ABCG8: variants seen among roughly 807,000 people sequenced by gnomAD.
ABCG8 encodes the protein ATP binding cassette subfamily G member 8.
In ABCG8, 81 loss-of-function variants were observed where a neutral mutation model predicts 71.3. The ratio of observed to expected loss-of-function variants is 1.14; its 90% CI spans 0.95 to 1.37. The LOEUF is 1.37. Among genes scored for constraint, ABCG8 ranks in the 40% most tolerant of loss-of-function variants. The pLI, the probability that ABCG8 is intolerant of heterozygous loss-of-function variation, is 0.00. For synonymous variants in ABCG8, 451 were observed against 354.7 expected (o/e 1.27, Z -3.05); for missense variants, 1,119 against 866.2 (o/e 1.29, Z -3.66).
Position 43,872,217 on chromosome 2 carries a change from T to TC in ABCG8, c.1128-3dup, listed in dbSNP as rs758869767. The TC allele has an allele frequency of 3.1e-6, 5 of 1,613,946 alleles. No individual in the cohort carries two copies. The South Asian group carries it at 5.5e-5, about 18-fold the overall frequency. On this transcript the variant is annotated splice_polypyrimidine_tract_variant and splice_region_variant and intron_variant, in intron 7 of 12. Coordinates refer to ENST00000272286, the MANE Select transcript of ABCG8 (RefSeq NM_022437.3). Reference sequence around the variant, plus strand: ...CCATGACCTGGCCACATCTTCTGCCTCCCAGCAGCGTGACCCCACTAGACA... The same window carrying TC: ...CCATGACCTGGCCACATCTTCTGCCTCCCCAGCAGCGTGACCCCACTAGACA...
At chr2:43,873,419 TG>T (rs370008328) in intron 8 of ABCG8, among the ~76,000 whole-genome samples, 30 of 152,142 alleles carry the variant, frequency 2.0e-4, no homozygotes, top group African/African-American at 7.2e-4. Flanking sequence ...CTCGATCGCC[TG>T]GCCTCAAGCG....
Position 43,874,397 on chromosome 2 carries a change from T to C in ABCG8, c.1412-10T>C, listed in dbSNP as rs1669885753. 1 of 1,451,116 alleles carries C rather than the reference T, an allele frequency of 6.9e-7. No individual in the cohort carries two copies. The highest frequency in any genetic ancestry group is 9.6e-7 in the Non-Finnish European group (1 of 1,043,938). The allele number at this position is 1,451,116 out of a possible 1,614,324, so 89.9% of individuals were successfully genotyped here. A position where few individuals can be genotyped will look rare whatever the true frequency, so the allele number is the denominator to read the frequency against. On this transcript the variant is annotated splice_polypyrimidine_tract_variant and intron_variant, in intron 9 of 12. Transcript: ENST00000272286. ...TTCTTCATTCTCTTTTCCTTTCCCT[T>C]ACTTTTTAGGTTACTCAGAGAGGGC...
intron 6 of ABCG8, among the ~76,000 whole-genome samples, chr2:43,859,995 C>T (rs1219552592): frequency 6.7e-6 from 1 of 150,204 alleles, no homozygotes; most frequent in African/African-American, 2.4e-5. Flanking sequence ...AATTCTCACC[C>T]TCTGGACAGA....
chr2:43,853,285 G>T (rs1219628308), intron 6 of ABCG8, among the ~76,000 whole-genome samples: 1 of 152,212 alleles, frequency 6.6e-6, no homozygotes, highest in Non-Finnish European at 1.5e-5. Flanking sequence ...GGTGGCAGAG[G>T]GGGGCCCAGG....
intron 6 of ABCG8, among the ~76,000 whole-genome samples, chr2:43,871,482 T>C (rs960681324): frequency 6.6e-6 from 1 of 152,120 alleles, no homozygotes; most frequent in Admixed American, 6.5e-5. Context: ...CTGGATAGAA[T>C]TCTCACTCTC....
intron 6 of ABCG8, among the ~76,000 whole-genome samples, chr2:43,867,706 G>A (rs6733452): frequency 0.046 from 6,887 of 149,352 alleles, 291 homozygotes; most frequent in African/African-American, 0.1. Flanking sequence ...TCACTCTGTG[G>A]ATAGAACTCT....
rs769813197 is a variant in ABCG8 at position 43,874,463 on chromosome 2, G to A, written c.1468G>A (p.Gly490Ser). The change falls in exon 10 of 13, where the codon GGT (glycine) becomes AGT (serine). Residue 490 changes from glycine to serine, a missense_variant. Coordinates refer to ENST00000272286, the MANE Select transcript of ABCG8 (RefSeq NM_022437.3). ...YELEDGLYTTGPYFFAKILGE... is the reference protein window; with the variant it reads ...YELEDGLYTTSPYFFAKILGE... The stretch of plus-strand genomic sequence containing the variant: ...ACTGGAAGACGGGCTGTACACCACT[G>A]GTCCATATTTCTTTGCCAAGGTGAC... 6.2e-7 allele frequency: 1 copy of A among 1,613,788 alleles called. No individual in the cohort carries two copies. Among genetic ancestry groups the A allele is most frequent in the Non-Finnish European group, 8.5e-7 (1 of 1,179,824 alleles).
intron 6 of ABCG8, among the ~76,000 whole-genome samples, chr2:43,857,495 C>A (rs936811190): frequency 2.0e-5 from 3 of 151,562 alleles, no homozygotes; most frequent in African/African-American, 7.3e-5. Flanking sequence ...ATAGAATTCT[C>A]ACTCTGGAAA....
chr2:43,839,727 C>T (rs971324400), intron 1 of ABCG8, among the ~76,000 whole-genome samples: 19 of 152,148 alleles, frequency 1.2e-4, no homozygotes, highest in Middle Eastern at 3.4e-3. Context: ...TGGCCAGTTT[C>T]GCTTTTTCCG....
At chr2:43,845,599 A>G (rs1668718922) in intron 2 of ABCG8, among the ~76,000 whole-genome samples, 1 of 151,872 alleles carries the variant, frequency 6.6e-6, no homozygotes, top group Non-Finnish European at 1.5e-5. Context: ...TTTCTGTACC[A>G]CTATTGCACA....
At chr2:43,864,381 ACT>A (rs1669445935) in intron 6 of ABCG8, among the ~76,000 whole-genome samples, 1 of 150,410 alleles carries the variant, frequency 6.6e-6, no homozygotes, top group Admixed American at 6.6e-5. Context: ...TATAATTCTC[ACT>A]CTCTGGATAG....
At chr2:43,857,709 C>CTG (rs2104926750) in intron 6 of ABCG8, among the ~76,000 whole-genome samples, 1 of 150,946 alleles carries the variant, frequency 6.6e-6, no homozygotes, top group South Asian at 2.1e-4. Context: ...ACTCTTACTA[C>CTG]CTGGAGAGAA....
At chr2:43,865,391 A>C (rs928010025) in intron 6 of ABCG8, among the ~76,000 whole-genome samples, 1 of 147,476 alleles carries the variant, frequency 6.8e-6, no homozygotes, top group Admixed American at 6.7e-5. Flanking sequence ...TCACATCTGC[A>C]TGGAACTCTC....
intron 1 of ABCG8, among the ~76,000 whole-genome samples, chr2:43,843,211 G>A (rs1199933908): frequency 6.6e-6 from 1 of 152,082 alleles, no homozygotes; most frequent in Non-Finnish European, 1.5e-5. Flanking sequence ...CCTTTTCATT[G>A]TCACATCCCA....
At chr2:43,861,085 TA>T (rs1669301056) in intron 6 of ABCG8, among the ~76,000 whole-genome samples, 1 of 151,018 alleles carries the variant, frequency 6.6e-6, no homozygotes, top group African/African-American at 2.4e-5. Context: ...TATATGGAAA[TA>T]ACTCTCACCA....
chr2:43,860,834 C>G (rs1381564985), intron 6 of ABCG8, among the ~76,000 whole-genome samples: 1 of 150,980 alleles, frequency 6.6e-6, no homozygotes, highest in Non-Finnish European at 1.5e-5. Flanking sequence ...GTATAGAATT[C>G]TCACCCTCTG....
intron 10 of ABCG8, among the ~76,000 whole-genome samples, 172 bp from the exon 11 acceptor site, chr2:43,874,974 G>C (rs910478107): frequency 3.3e-5 from 5 of 152,140 alleles, no homozygotes; most frequent in Admixed American, 3.3e-4. Flanking sequence ...TATCTGCAAG[G>C]GGGAGGCCAG....
At chr2:43,845,245 A>G (rs1305398466) in intron 2 of ABCG8, among the ~76,000 whole-genome samples, 1 of 152,064 alleles carries the variant, frequency 6.6e-6, no homozygotes, top group Non-Finnish European at 1.5e-5. Context: ...ATATTCCCAC[A>G]GCTCCCCAGG....
chr2:43,852,805 G>A lies in ABCG8; in HGVS notation c.901G>A (p.Val301Ile). Residue 301 changes from valine to isoleucine, a missense_variant, in exon 6 of 13, where the codon GTC (valine) becomes ATC (isoleucine). Val to Ile is a conservative substitution (Grantham distance 29). Transcript: ENST00000272286. ...CTACTTAGGGGCGGCCCAGCACATG[G>A]TCCAGTATTTCACAGCCATCGGCTA... ...PIYLGAAQHMVQYFTAIGYPC... is the reference protein window; with the variant it reads ...PIYLGAAQHMIQYFTAIGYPC... 2 of 1,614,084 alleles carry A rather than the reference G, an allele frequency of 1.2e-6. No homozygotes were observed. The highest frequency in any genetic ancestry group is 1.7e-6 in the Non-Finnish European group (2 of 1,180,012).
Sources: gnomAD v4.1 joint callset for allele counts (sites outside exome capture counted in the v4.1 genomes callset) on GRCh38, gnomAD v4.1.1 for gene constraint, MANE v1.5 for transcripts, NCBI Gene and HGNC (gene_info 2026-07-23, HGNC 2026-07-21) for gene names.